Variants in MGAT4C observed in about 807,000 individuals in gnomAD.
MGAT4C encodes the protein MGAT4 family member C.
In MGAT4C, 19 loss-of-function variants were observed where a neutral mutation model predicts 40.1. The ratio of observed to expected loss-of-function variants is 0.47; its 90% CI spans 0.33 to 0.70. The LOEUF (loss-of-function observed/expected upper bound fraction) is 0.70, where lower values mean the gene tolerates loss of function less well. Ranked by LOEUF, MGAT4C falls within the 30% of genes least tolerant of loss-of-function variation. The pLI is 0.02. For missense variants in MGAT4C, 491 were observed against 563.2 expected (o/e 0.87, Z 1.30); for synonymous variants, 181 against 187.1 (o/e 0.97, Z 0.27).
rs138128784 is a variant in MGAT4C, at chr12:86,832,273, A to T, written c.-262+6393T>A. ...ATTAGAATATTTATAACTATTTGTC[A>T]GTTTGGCTTATTCATTATTTCTCTA... is the stretch of plus-strand genomic sequence containing the variant. On this transcript the variant is annotated intron_variant, in intron 1 of 7. Coordinates refer to the MGAT4C transcript ENST00000548651. Among the ~76,000 whole-genome samples the T allele has an allele frequency of 6.3e-3, 953 of 151,958 alleles. 6 individuals carry two copies. Among genetic ancestry groups the T allele is most frequent in the Non-Finnish European group, 8.8e-3 (595 of 67,860 alleles).
At chr12:86,296,517 A>T in intron 4 of MGAT4C, among the ~76,000 whole-genome samples, 1 of 152,204 alleles carries the variant, frequency 6.6e-6, no homozygotes, top group South Asian at 2.1e-4. Context: ...CGGCTCAGGC[A>T]TGGTGGGCTG....
At chr12:86,320,189 T>G (rs1954345891) in intron 4 of MGAT4C, among the ~76,000 whole-genome samples, 1 of 152,158 alleles carries the variant, frequency 6.6e-6, no homozygotes, top group African/African-American at 2.4e-5. Flanking sequence ...GAAACTAATC[T>G]GATAATCCTG....
chr12:86,733,642 C>A (rs1487298873), intron 1 of MGAT4C, among the ~76,000 whole-genome samples: 1 of 152,022 alleles, frequency 6.6e-6, no homozygotes, highest in East Asian at 1.9e-4. Context: ...CAGTATAGGA[C>A]AATGGAAGGC....
intron 2 of MGAT4C, among the ~76,000 whole-genome samples, chr12:86,566,914 T>G (rs1960153317): frequency 6.6e-6 from 1 of 151,930 alleles, no homozygotes; most frequent in African/African-American, 2.4e-5. Flanking sequence ...GCATTGACTC[T>G]GACCAAAGCA....
At chr12:86,067,198 T>A (rs2137023452) in intron 1 of MGAT4C, among the ~76,000 whole-genome samples, 1 of 152,196 alleles carries the variant, frequency 6.6e-6, no homozygotes, top group East Asian at 1.9e-4. Flanking sequence ...CCTAGCAACC[T>A]TATTACTGGG....
At chr12:86,722,108 C>T (rs1038733782) in intron 2 of MGAT4C, among the ~76,000 whole-genome samples, 18 of 152,036 alleles carry the variant, frequency 1.2e-4, no homozygotes, top group Admixed American at 3.3e-4. Context: ...CAGCACTTTT[C>T]AGTCATATTT....
chr12:86,467,479 T>C (rs748140294), intron 2 of MGAT4C, among the ~76,000 whole-genome samples: 3 of 152,146 alleles, frequency 2.0e-5, no homozygotes, highest in Non-Finnish European at 2.9e-5. Flanking sequence ...AATTGGGCCT[T>C]TGTAATAGCA....
At chr12:86,396,513 C>T (rs927226803) in intron 3 of MGAT4C, among the ~76,000 whole-genome samples, 16 of 152,152 alleles carry the variant, frequency 1.1e-4, no homozygotes, top group Admixed American at 4.6e-4. Flanking sequence ...TGGCAATTAT[C>T]TGGATGCCCA....
intron 3 of MGAT4C, among the ~76,000 whole-genome samples, chr12:86,400,007 T>C (rs1286654814): frequency 5.9e-5 from 9 of 152,166 alleles, no homozygotes; most frequent in South Asian, 2.1e-4. Flanking sequence ...GTGATTGGCA[T>C]TGGAAGTTCA....
chr12:86,681,605 C>A (rs1949983462), intron 2 of MGAT4C, among the ~76,000 whole-genome samples: 1 of 151,986 alleles, frequency 6.6e-6, no homozygotes, highest in East Asian at 1.9e-4. Flanking sequence ...AATTTTCAAT[C>A]TTCTAAAGAA....
chr12:86,455,260 C>A (rs1382558162), intron 2 of MGAT4C, among the ~76,000 whole-genome samples: 1 of 152,034 alleles, frequency 6.6e-6, no homozygotes, highest in Non-Finnish European at 1.5e-5. Flanking sequence ...AAGTATTCAG[C>A]ACAATTCTCT....
chr12:86,346,446 A>T (rs1454709322), intron 3 of MGAT4C, among the ~76,000 whole-genome samples: 1 of 152,088 alleles, frequency 6.6e-6, no homozygotes, highest in Non-Finnish European at 1.5e-5. Context: ...GCTGGTCTCG[A>T]ACTCCTGACC....
chr12:86,230,328 T>G (rs2136012592), intron 1 of MGAT4C, among the ~76,000 whole-genome samples: 1 of 152,158 alleles, frequency 6.6e-6, no homozygotes, highest in South Asian at 2.1e-4. Context: ...GAAAAAATAT[T>G]AATGAACAGC....
At chr12:86,157,292 G>A (rs867127230) in intron 1 of MGAT4C, among the ~76,000 whole-genome samples, 78 of 151,936 alleles carry the variant, frequency 5.1e-4, no homozygotes, top group African/African-American at 1.7e-3. Context: ...AACGACCATC[G>A]GTCGATCCTG....
intron 3 of MGAT4C, among the ~76,000 whole-genome samples, chr12:86,396,861 T>G (rs2136233052): frequency 7.2e-6 from 1 of 139,806 alleles, no homozygotes; most frequent in South Asian, 2.4e-4. Context: ...CAGGGGATTT[T>G]CCAACAATAT....
Position 86,607,268 on chromosome 12 carries a change from A to C in MGAT4C, c.-229+119941T>G, listed in dbSNP as rs560097458. On this transcript the variant is annotated intron_variant, in intron 2 of 7. Transcript: ENST00000548651. The stretch of plus-strand genomic sequence containing the variant: ...AAACTAATATTTTAAAACTACATTT[A>C]TTATTAACTTATTAATACTAATATT... Among the ~76,000 whole-genome samples, 48 of 152,176 alleles carry C rather than the reference A, an allele frequency of 3.2e-4. 1 individual carries two copies. In the South Asian group the frequency reaches 9.9e-3, roughly 32 times the overall value.
intron 3 of MGAT4C, among the ~76,000 whole-genome samples, chr12:86,380,961 C>T (rs1955916810): frequency 6.6e-6 from 1 of 152,010 alleles, no homozygotes. Flanking sequence ...TATGAGAAAA[C>T]ACTTCATAGG....
chr12:86,331,551 T>C (rs1315408116), intron 4 of MGAT4C, among the ~76,000 whole-genome samples: 3 of 152,172 alleles, frequency 2.0e-5, no homozygotes, highest in African/African-American at 7.2e-5. Flanking sequence ...ATTAGGAAAC[T>C]GCTGATCACC....
At chr12:86,569,006 T>A (rs1030441044) in intron 2 of MGAT4C, among the ~76,000 whole-genome samples, 1 of 151,648 alleles carries the variant, frequency 6.6e-6, no homozygotes, top group African/African-American at 2.4e-5. Context: ...AATATGTACA[T>A]GAATAAATTT....
Sources: gnomAD v4.1 joint callset for allele counts (sites outside exome capture counted in the v4.1 genomes callset) on GRCh38, gnomAD v4.1.1 for gene constraint, MANE v1.5 for transcripts, NCBI Gene and HGNC (gene_info 2026-07-23, HGNC 2026-07-21) for gene names.